Variants in TBC1D22B observed in about 807,000 individuals in gnomAD.
TBC1D22B encodes chromosome 6 open reading frame 197.
Under a neutral mutation model 69.1 loss-of-function variants are expected in TBC1D22B, and 32 were observed. The observed-to-expected ratio is 0.46, with a 90% CI of 0.35 to 0.62. The LOEUF is 0.62. Ranked by LOEUF, TBC1D22B falls within the 20% of genes least tolerant of loss-of-function variation. TBC1D22B has a pLI of 0.00. For missense variants in TBC1D22B, 462 were observed against 630.9 expected, an observed-to-expected ratio of 0.73 and a Z score of 2.87; for synonymous variants, 206 against 229.8, an observed-to-expected ratio of 0.90 and a Z score of 0.94.
rs1255402422 is a variant in TBC1D22B at position 37,294,330 on chromosome 6, C to G, written c.982+2973C>G. Among the ~76,000 whole-genome samples the G allele has an allele frequency of 2.2e-4, 34 of 152,160 alleles. 1 individual carries two copies. Among genetic ancestry groups the G allele is most frequent in the Admixed American group, 2.2e-3 (34 of 15,274 alleles). ...GCAGATGCACACCCACCACACCCGG[C>G]TAACTTTATAAAAACAATTTTTGTA... On this transcript the variant is annotated intron_variant, in intron 8 of 12. Coordinates refer to ENST00000373491, the MANE Select transcript of TBC1D22B (RefSeq NM_017772.4).
intron 2 of TBC1D22B, among the ~76,000 whole-genome samples, chr6:37,272,425 G>T (rs988508800): frequency 6.7e-6 from 1 of 149,930 alleles, no homozygotes; most frequent in Admixed American, 6.7e-5. Context: ...GCACTGGCAC[G>T]ATCAGGGCTC....
At position 37,265,726 on chromosome 6, in the gene TBC1D22B, T is replaced by G. The variant is rs1321470883; in HGVS notation, c.57-3868T>G. ...TAATAGTTTGCTTACACATTACTTA[T>G]TAATCTTCCAGAGAGGTTTAGGGAG... On this transcript the variant is annotated intron_variant, in intron 1 of 12. Coordinates refer to ENST00000373491, the MANE Select transcript of TBC1D22B (RefSeq NM_017772.4). Among the ~76,000 whole-genome samples the G allele has an allele frequency of 2.6e-5, 4 of 152,232 alleles. No homozygotes were observed. The East Asian group carries it at 7.7e-4, about 29-fold the overall frequency.
At position 37,276,795 on chromosome 6, in the gene TBC1D22B, G is replaced by A. The variant is rs141356558; in HGVS notation, c.114-2509G>A. 7.9e-3 allele frequency among the ~76,000 whole-genome samples: 1,201 copies of A among 152,216 alleles called. 12 individuals are homozygous for A. The highest frequency in any genetic ancestry group is 0.044 in the Middle Eastern group (13 of 294). On this transcript the variant is annotated intron_variant, in intron 2 of 12. Coordinates refer to ENST00000373491, the MANE Select transcript of TBC1D22B (RefSeq NM_017772.4). ...AGTCCCAGCTACTCAGGAGGCTGAG[G>A]CAAGAGAATCGCCTGAACCGAGGAG...
At chr6:37,304,855 T>A (rs963572228) in intron 8 of TBC1D22B, among the ~76,000 whole-genome samples, 1 of 152,162 alleles carries the variant, frequency 6.6e-6, no homozygotes, top group Non-Finnish European at 1.5e-5. Flanking sequence ...AAAACAGATA[T>A]TTGTAGGATT....
At chr6:37,266,579 A>G (rs1382519410) in intron 1 of TBC1D22B, among the ~76,000 whole-genome samples, 2 of 151,572 alleles carry the variant, frequency 1.3e-5, no homozygotes, top group Admixed American at 6.6e-5. Flanking sequence ...CTCCCGCCTC[A>G]GCCTCCTGAG....
intron 8 of TBC1D22B, among the ~76,000 whole-genome samples, chr6:37,294,811 T>G (rs1004438261): frequency 6.6e-6 from 1 of 152,284 alleles, no homozygotes; most frequent in African/African-American, 2.4e-5. Context: ...ACCTGAGAGC[T>G]CTGATGGAAA....
At chr6:37,307,389 T>C (rs1293487513) in intron 8 of TBC1D22B, among the ~76,000 whole-genome samples, 2 of 151,272 alleles carry the variant, frequency 1.3e-5, no homozygotes, top group African/African-American at 2.4e-5. Flanking sequence ...GTCTTCTCGC[T>C]CTGTCGCCCA....
At chr6:37,263,248 AG>A (rs1766165562) in intron 1 of TBC1D22B, among the ~76,000 whole-genome samples, 1 of 152,240 alleles carries the variant, frequency 6.6e-6, no homozygotes, top group African/African-American at 2.4e-5. Context: ...CCCCTGGAGA[AG>A]ATGCTGTGTA....
chr6:37,265,804 A>G (rs764172309), intron 1 of TBC1D22B, among the ~76,000 whole-genome samples: 1 of 152,206 alleles, frequency 6.6e-6, no homozygotes, highest in Admixed American at 6.5e-5. Context: ...ATTAAAGATT[A>G]TATGTAAGAT....
intron 11 of TBC1D22B, 110 bp from the exon 12 acceptor site, chr6:37,317,001 T>A: frequency 6.9e-7 from 1 of 1,451,816 alleles, no homozygotes; most frequent in Non-Finnish European, 9.4e-7. Context: ...GAACTCCATC[T>A]CCCCAACCGT....
At chr6:37,287,186 G>A (rs538428242) in intron 7 of TBC1D22B, 114 bp downstream of exon 7, 40 of 741,990 alleles carry the variant, frequency 5.4e-5, no homozygotes, top group Non-Finnish European at 8.6e-5. Context: ...TGCAGCTTTG[G>A]TTCCTTCAGA....
At chr6:37,285,645 A>G (rs1766985934) in intron 6 of TBC1D22B, among the ~76,000 whole-genome samples, 1 of 152,026 alleles carries the variant, frequency 6.6e-6, no homozygotes, top group Non-Finnish European at 1.5e-5. Context: ...GGCGCACACC[A>G]CCACACCCAG....
At chr6:37,275,204 G>A (rs967108009) in intron 2 of TBC1D22B, among the ~76,000 whole-genome samples, 27 of 152,168 alleles carry the variant, frequency 1.8e-4, no homozygotes, top group Non-Finnish European at 7.3e-5. Flanking sequence ...TTAACTTTTT[G>A]CTGCAACTAC....
intron 1 of TBC1D22B, among the ~76,000 whole-genome samples, 158 bp from the exon 2 acceptor site, chr6:37,269,436 G>A (rs1157934088): frequency 3.3e-5 from 5 of 152,098 alleles, no homozygotes; most frequent in African/African-American, 9.7e-5. Flanking sequence ...TTTTTTTAAC[G>A]GGTAGATTGC....
chr6:37,266,692 A>G (rs1014054517), intron 1 of TBC1D22B, among the ~76,000 whole-genome samples: 1 of 151,970 alleles, frequency 6.6e-6, no homozygotes, highest in African/African-American at 2.4e-5. Flanking sequence ...TGAACTCCTG[A>G]GCTTAGGTGA....
intron 12 of TBC1D22B, among the ~76,000 whole-genome samples, chr6:37,317,970 G>C (rs1358226350): frequency 6.6e-6 from 1 of 152,174 alleles, no homozygotes; most frequent in African/African-American, 2.4e-5. Flanking sequence ...GAGTCACAGG[G>C]ACCCAGATCA....
intron 10 of TBC1D22B, among the ~76,000 whole-genome samples, chr6:37,315,732 C>G (rs143857860): frequency 6.6e-6 from 1 of 152,014 alleles, no homozygotes; most frequent in Non-Finnish European, 1.5e-5. Context: ...CGCACCATGA[C>G]GCCTGGCCAA....
chr6:37,317,434 C>G (rs914644835), intron 12 of TBC1D22B, among the ~76,000 whole-genome samples: 5 of 152,152 alleles, frequency 3.3e-5, no homozygotes, highest in Admixed American at 6.5e-5. Context: ...TGCAGAGTGA[C>G]TGGGCAGGCC....
At chr6:37,294,510 GT>G (rs1240119301) in intron 8 of TBC1D22B, among the ~76,000 whole-genome samples, 1 of 152,176 alleles carries the variant, frequency 6.6e-6, no homozygotes, top group Non-Finnish European at 1.5e-5. Flanking sequence ...GAGGGGAGTA[GT>G]CAATGTCTGG....
Sources: gnomAD v4.1 joint callset for allele counts (sites outside exome capture counted in the v4.1 genomes callset) on GRCh38, gnomAD v4.1.1 for gene constraint, MANE v1.5 for transcripts, NCBI Gene and HGNC (gene_info 2026-07-23, HGNC 2026-07-21) for gene names.